The following SEC14L5 variants were observed in gnomAD, a reference collection of about 807,000 sequenced individuals.
SEC14L5 encodes the protein SEC14-like protein 5.
A neutral mutation model predicts 84.6 loss-of-function variants in SEC14L5; 96 were observed. The observed-to-expected ratio is 1.13, with a 90% CI of 0.96 to 1.34. The LOEUF is 1.34. Among genes scored for constraint, SEC14L5 ranks in the 40% most tolerant of loss-of-function variants. The pLI is 0.00. For missense variants in SEC14L5, 1,224 were observed against 942.5 expected, an observed-to-expected ratio of 1.30 and a Z score of -3.91; for synonymous variants, 546 against 383.4, an observed-to-expected ratio of 1.42 and a Z score of -4.95.
chr16:5,003,561 G>A lies in SEC14L5; in HGVS notation c.1290G>A (p.Val430=), dbSNP rs377391044. Reference sequence around the variant, plus strand: ...TGCGAGCCCCCCGAGTCTTCCCCGTGCTCTGGACACTGGTAAGAGCTGGAG... The same window carrying A: ...TGCGAGCCCCCCGAGTCTTCCCCGTACTCTGGACACTGGTAAGAGCTGGAG... ...LIVRAPRVFP[V]LWTLISPFIN... Residue 430 remains valine, a synonymous_variant, in exon 11 of 16, where the codon GTG becomes GTA. Transcript: ENST00000251170. 2.1e-6 allele frequency: 3 copies of A among 1,410,940 alleles called. No individual in the cohort carries two copies. The highest frequency in any genetic ancestry group is 2.8e-6 in the Non-Finnish European group (3 of 1,057,086). 87.4% of individuals were successfully genotyped at this position (1,410,940 alleles called of 1,614,324 possible).
intron 14 of SEC14L5, among the ~76,000 whole-genome samples, chr16:5,009,174 G>T (rs1242133523): frequency 1.3e-5 from 2 of 152,056 alleles, no homozygotes; most frequent in South Asian, 2.1e-4. Flanking sequence ...GTCATTGGTG[G>T]GTAGATGCAT....
intron 4 of SEC14L5, among the ~76,000 whole-genome samples, chr16:4,988,604 C>G (rs945833563): frequency 6.6e-6 from 1 of 152,108 alleles, no homozygotes; most frequent in Non-Finnish European, 1.5e-5. Flanking sequence ...TCTTTCCCCT[C>G]CCTCCTTTCC....
At chr16:4,995,719 C>T (rs1955601634) in intron 6 of SEC14L5, among the ~76,000 whole-genome samples, 1 of 151,508 alleles carries the variant, frequency 6.6e-6, no homozygotes, top group Admixed American at 6.6e-5. Context: ...CTCCATCTCC[C>T]AGGTTCAAGC....
In SEC14L5 at chr16:5,015,808, C is replaced by A. The variant is rs1955869552; in HGVS notation, c.*838C>A. 6.6e-6 allele frequency: 1 copy of A among 152,286 alleles called. No homozygotes were observed. The highest frequency in any genetic ancestry group is 2.4e-5 in the African/African-American group (1 of 41,462). The allele number at this position is 152,286 out of a possible 1,614,324, so 9.4% of individuals were successfully genotyped here. On this transcript the variant is annotated 3_prime_UTR_variant, in exon 16 of 16. Coordinates refer to ENST00000251170, the MANE Select transcript of SEC14L5 (RefSeq NM_014692.2). ...GCGCTGCTCTTTGTGGGGAACAGCA[C>A]ATCCTGAAGTGAAAATCCATGTTCC...
chr16:5,002,192 C>G (rs1301543976), intron 10 of SEC14L5, among the ~76,000 whole-genome samples: 1 of 152,226 alleles, frequency 6.6e-6, no homozygotes, highest in African/African-American at 2.4e-5. Context: ...ATTTCCTCCT[C>G]CTAAACAGCC....
At position 5,015,214 on chromosome 16, in the gene SEC14L5, C is replaced by T. The variant is rs1254459863; in HGVS notation, c.*244C>T. Reference sequence around the variant, plus strand: ...CGGCTTCGTGTAAGGAAGACCAAGCCAAGGCCAAGGTGTCTACCATACCAC... The same window carrying T: ...CGGCTTCGTGTAAGGAAGACCAAGCTAAGGCCAAGGTGTCTACCATACCAC... On this transcript the variant is annotated 3_prime_UTR_variant, in exon 16 of 16. Coordinates refer to ENST00000251170, the MANE Select transcript of SEC14L5 (RefSeq NM_014692.2). 3.8e-6 allele frequency: 2 copies of T among 528,856 alleles called. No individual in the cohort carries two copies. The highest frequency in any genetic ancestry group is 6.7e-6 in the Non-Finnish European group (2 of 297,270). The allele number at this position is 528,856 out of a possible 1,614,324, so 32.8% of individuals were successfully genotyped here.
rs1955526561 is a variant in SEC14L5 at position 4,989,242 on chromosome 16, G to A, written c.345+962G>A. Among the ~76,000 whole-genome samples the A allele has an allele frequency of 2.0e-5, 3 of 152,020 alleles. No homozygotes were observed. The South Asian group carries it at 6.2e-4, about 32-fold the overall frequency. ...TCGGGACATTGGCAGATCCTGCCTT[G>A]CTGGATCGTTTTCACGATGATAACT... On this transcript the variant is annotated intron_variant, in intron 4 of 15. Transcript: ENST00000251170.
intron 2 of SEC14L5, among the ~76,000 whole-genome samples, chr16:4,961,887 C>T (rs902397575): frequency 5.3e-5 from 8 of 152,174 alleles, no homozygotes; most frequent in South Asian, 2.1e-4. Context: ...GGTCTTAGAA[C>T]ATGTGAGCTG....
chr16:4,996,735 C>A, intron 7 of SEC14L5, 120 bp from the exon 8 acceptor site: 2 of 783,172 alleles, frequency 2.6e-6, no homozygotes, highest in Admixed American at 2.9e-5. Context: ...CCACGCCTGG[C>A]TAATTTCTGT....
intron 8 of SEC14L5, among the ~76,000 whole-genome samples, chr16:4,998,902 T>C (rs1274001596): frequency 1.3e-5 from 2 of 152,206 alleles, no homozygotes; most frequent in Admixed American, 1.3e-4. Flanking sequence ...TGAAATTTAC[T>C]TGTAACCCCC....
At position 4,991,914 on chromosome 16, in the gene SEC14L5, C is replaced by T; in HGVS notation, c.551C>T (p.Ala184Val). 2 of 1,607,268 alleles carry T rather than the reference C, an allele frequency of 1.2e-6. No homozygotes were observed. The change falls in exon 6 of 16, where the codon GCC becomes GTC. Residue 184 changes from alanine to valine, a missense_variant. By Grantham distance (64) the Ala-to-Val change is moderately conservative. Coordinates refer to ENST00000251170, the MANE Select transcript of SEC14L5 (RefSeq NM_014692.2). ...GTSHIPRWTPAPVREEDARNQ... is the reference protein window; with the variant it reads ...GTSHIPRWTPVPVREEDARNQ... ...TCGCACATTCCGCGCTGGACGCCTG[C>T]CCCAGTCCGTGAGGAGGATGCCCGC...
intron 2 of SEC14L5, 86 bp from the exon 3 acceptor site, chr16:4,987,471 T>C: frequency 8.4e-7 from 1 of 1,185,176 alleles, no homozygotes; most frequent in Non-Finnish European, 1.2e-6. Context: ...GTCTGATAAG[T>C]GACACAGCAG....
Position 4,966,199 on chromosome 16 carries a change from C to G in SEC14L5, c.63+6813C>G, listed in dbSNP as rs868079806. Among the ~76,000 whole-genome samples the G allele has an allele frequency of 6.6e-5, 10 of 151,164 alleles. No homozygotes were observed. In the South Asian group the frequency reaches 1.7e-3, roughly 25 times the overall value. On this transcript the variant is annotated intron_variant, in intron 2 of 15. Transcript: ENST00000251170. ...GCCAGGATGGTGTCAATCTCCTGAC[C>G]TCATAATCCGCCCTCCTCTGCCTCC...
chr16:4,981,255 G>GTTTTTTTTTT lies in SEC14L5; in HGVS notation c.64-6283_64-6274dup, dbSNP rs58882220. ...ATGCACCAGCACGTCTAGCTAATTG[G>GTTTTTTTTTT]TTTTTTTTTTTTTTTTTTTTTTTTT... is the stretch of plus-strand genomic sequence containing the variant. On this transcript the variant is annotated intron_variant, in intron 2 of 15. Transcript: ENST00000251170. Among the ~76,000 whole-genome samples the GTTTTTTTTTT allele has an allele frequency of 1.9e-4, 18 of 92,930 alleles. 1 individual carries two copies. The highest frequency in any genetic ancestry group is 4.4e-4 in the Admixed American group (3 of 6,758). 61.0% of individuals were successfully genotyped at this position (92,930 alleles called of 152,430 possible). A position where few individuals can be genotyped will look rare whatever the true frequency, so the allele number is the denominator to read the frequency against.
Position 5,000,752 on chromosome 16 carries a change from G to C in SEC14L5, c.1059+9G>C, listed in dbSNP as rs1235168476. ...AGGCGCTGCTGCGGCATGTGAGTCA[G>C]GGGCCTCGTTCCTGGACGCCGTGCC... On this transcript the variant is annotated intron_variant, in intron 9 of 15. Coordinates refer to ENST00000251170, the MANE Select transcript of SEC14L5 (RefSeq NM_014692.2). The C allele has an allele frequency of 1.3e-6, 2 of 1,553,718 alleles. No individual in the cohort carries two copies. The highest frequency in any genetic ancestry group is 1.4e-5 in the African/African-American group (1 of 73,152).
intron 2 of SEC14L5, among the ~76,000 whole-genome samples, chr16:4,964,229 G>A (rs188051688): frequency 1.3e-5 from 2 of 152,222 alleles, no homozygotes; most frequent in Admixed American, 1.3e-4. Flanking sequence ...GAGTCCCGAA[G>A]GCCATGCTCT....
rs140319121 is a variant in SEC14L5, at chr16:4,995,884, C to T, written c.668-464C>T. On this transcript the variant is annotated intron_variant, in intron 6 of 15. Transcript: ENST00000251170. ...CAAGTGATCTGCCTGCCGTGGGCTC[C>T]CAAAGTCCTGGGATTACAGTCGTGA... Among the ~76,000 whole-genome samples the T allele has an allele frequency of 6.3e-3, 961 of 152,206 alleles. 1 individual carries two copies. Among genetic ancestry groups the T allele is most frequent in the Non-Finnish European group, 8.8e-3 (601 of 68,014 alleles).
chr16:4,996,415 C>A lies in SEC14L5; in HGVS notation c.735C>A (p.Cys245Ter). Reference protein sequence around the residue: ...LGHLTPMQESCLIQLRHWLQE... With the variant: ...LGHLTPMQES Reference sequence around the variant, plus strand: ...ACCTCACGCCCATGCAGGAGAGCTGCCTGATCCAGCTTCGGCACTGGTTAC... The same window carrying A: ...ACCTCACGCCCATGCAGGAGAGCTGACTGATCCAGCTTCGGCACTGGTTAC... Residue 245 changes from cysteine (C) to a stop codon, truncating the protein, a stop_gained, in exon 7 of 16, where the codon TGC becomes TGA. Coordinates refer to ENST00000251170, the MANE Select transcript of SEC14L5 (RefSeq NM_014692.2). LOFTEE classifies it high-confidence loss of function. 1 of 1,574,300 alleles carries A rather than the reference C, an allele frequency of 6.4e-7. No individual in the cohort carries two copies. Among genetic ancestry groups the A allele is most frequent in the Non-Finnish European group, 8.6e-7 (1 of 1,160,732 alleles).
intron 14 of SEC14L5, 21 bp from the exon 15 acceptor site, chr16:5,011,074 G>C (rs745991630): frequency 3.2e-6 from 5 of 1,575,550 alleles, no homozygotes; most frequent in Non-Finnish European, 4.3e-6. Context: ...AGGGCCTCAG[G>C]GCAGGGCTGA....
Sources: allele counts gnomAD v4.1 joint callset (sites outside exome capture counted in the v4.1 genomes callset), GRCh38; gene constraint gnomAD v4.1.1; transcripts MANE v1.5; gene names NCBI Gene and HGNC (gene_info 2026-07-23, HGNC 2026-07-21).